Variants in PABPC4L observed in about 807,000 individuals in gnomAD.
The protein encoded by PABPC4L is polyadenylate-binding protein 4-like.
For missense variants in PABPC4L, 452 were observed against 451.4 expected (o/e 1.00, Z -0.01); for synonymous variants, 169 against 164.1 (o/e 1.03, Z -0.23).
chr4:133,949,073 T>C, the PABPC4L span, among the ~76,000 whole-genome samples: 1 of 152,268 alleles, frequency 6.6e-6, no homozygotes, highest in East Asian at 1.9e-4. Flanking sequence ...TTATTGTGAT[T>C]GATATAGGAT....
chr4:134,091,701 AG>A, the PABPC4L span, among the ~76,000 whole-genome samples: 1 of 151,816 alleles, frequency 6.6e-6, no homozygotes, highest in Non-Finnish European at 1.5e-5. Flanking sequence ...TAAATTTTTG[AG>A]TTTTTTTTTA....
At chr4:134,181,804 C>T in the PABPC4L span, among the ~76,000 whole-genome samples, 2 of 151,836 alleles carry the variant, frequency 1.3e-5, no homozygotes, top group African/African-American at 2.4e-5. Flanking sequence ...CCTAGGAATA[C>T]AGCTAACCGG....
In PABPC4L at chr4:134,198,761, G is replaced by A. The variant is rs1221404863; in HGVS notation, c.*1146C>T. ...AGCTGAGGAATATAGATGAAAGGCA[G>A]GAGAGCAAGGAAAATAGGGGAATGG... On this transcript the variant is annotated 3_prime_UTR_variant, in exon 2 of 2. Coordinates refer to ENST00000421491, the MANE Select transcript of PABPC4L (RefSeq NM_001114734.2). The A allele has an allele frequency of 6.6e-6, 1 of 151,922 alleles. No individual in the cohort carries two copies. The highest frequency in any genetic ancestry group is 2.4e-5 in the African/African-American group (1 of 41,436). 9.4% of individuals were successfully genotyped at this position (151,922 alleles called of 1,614,324 possible). A position where few individuals can be genotyped will look rare whatever the true frequency, so the allele number is the denominator to read the frequency against.
At chr4:134,135,527 T>C in the PABPC4L span, among the ~76,000 whole-genome samples, 3 of 152,038 alleles carry the variant, frequency 2.0e-5, no homozygotes, top group African/African-American at 2.4e-5. Flanking sequence ...TTGAAAAAAA[T>C]TTGGATGTTC....
At chr4:134,185,122 C>T in the PABPC4L span, among the ~76,000 whole-genome samples, 1 of 151,892 alleles carries the variant, frequency 6.6e-6, no homozygotes, top group Non-Finnish European at 1.5e-5. Context: ...ATTCTCTTGA[C>T]AATATATTTT....
chr4:134,050,742 G>A, the PABPC4L span, among the ~76,000 whole-genome samples: 4 of 139,532 alleles, frequency 2.9e-5, no homozygotes, highest in African/African-American at 5.5e-5. Flanking sequence ...AAGACAACAC[G>A]TAAGGATATA....
the PABPC4L span, among the ~76,000 whole-genome samples, chr4:133,976,854 G>T: frequency 6.6e-6 from 1 of 151,996 alleles, no homozygotes; most frequent in Non-Finnish European, 1.5e-5. Flanking sequence ...GTAGATTCTG[G>T]ATATTAGACC....
chr4:134,157,133 G>A, the PABPC4L span, among the ~76,000 whole-genome samples: 2 of 151,834 alleles, frequency 1.3e-5, no homozygotes, highest in Admixed American at 6.6e-5. Context: ...GAGAAATAAT[G>A]TAGTTTTATT....
the PABPC4L span, chr4:134,010,524 C>G: frequency 6.6e-6 from 1 of 152,086 alleles, no homozygotes; most frequent in Non-Finnish European, 1.5e-5. Flanking sequence ...ATAATAAAAG[C>G]TTATTTCTCC....
the PABPC4L span, among the ~76,000 whole-genome samples, chr4:134,158,059 T>A: frequency 6.6e-6 from 1 of 151,926 alleles, no homozygotes. Context: ...ATATCCTTAG[T>A]CCTCTAACTT....
chr4:133,969,057 G>A, the PABPC4L span, among the ~76,000 whole-genome samples: 1 of 152,114 alleles, frequency 6.6e-6, no homozygotes, highest in Non-Finnish European at 1.5e-5. Flanking sequence ...GGGTCTGAGA[G>A]GGGCACAGAT....
chr4:133,962,438 A>G, the PABPC4L span, among the ~76,000 whole-genome samples: 15 of 152,220 alleles, frequency 9.9e-5, no homozygotes, highest in South Asian at 2.1e-4. Flanking sequence ...TAAAGAAAAA[A>G]CAATAAAAAC....
the PABPC4L span, among the ~76,000 whole-genome samples, chr4:134,027,920 C>A: frequency 6.6e-6 from 1 of 152,072 alleles, no homozygotes; most frequent in Non-Finnish European, 1.5e-5. Flanking sequence ...ACAAGCTAAG[C>A]CAACCCACGG....
chr4:134,177,234 G>T, the PABPC4L span, among the ~76,000 whole-genome samples: 2 of 146,678 alleles, frequency 1.4e-5, no homozygotes, highest in Non-Finnish European at 3.0e-5. Context: ...AGGCTGGAGT[G>T]CAGTGGCAGG....
At chr4:133,970,732 G>T in the PABPC4L span, among the ~76,000 whole-genome samples, 2 of 152,030 alleles carry the variant, frequency 1.3e-5, no homozygotes, top group African/African-American at 4.8e-5. Flanking sequence ...TAGGTGATTA[G>T]GTCATGAGAG....
the PABPC4L span, among the ~76,000 whole-genome samples, chr4:134,118,333 G>A: frequency 6.6e-6 from 1 of 151,928 alleles, no homozygotes; most frequent in South Asian, 2.1e-4. Flanking sequence ...ACAGTTGAAT[G>A]TTACAGCTTT....
At chr4:134,096,650 A>G in the PABPC4L span, among the ~76,000 whole-genome samples, 1 of 151,946 alleles carries the variant, frequency 6.6e-6, no homozygotes, top group Admixed American at 6.6e-5. Context: ...AGATATTTGC[A>G]TGTTTCCCAT....
chr4:133,995,591 C>T, the PABPC4L span, among the ~76,000 whole-genome samples: 1 of 152,146 alleles, frequency 6.6e-6, no homozygotes, highest in Non-Finnish European at 1.5e-5. Flanking sequence ...CCTTGCTGAA[C>T]ATTTATAAAA....
the PABPC4L span, among the ~76,000 whole-genome samples, chr4:134,165,748 G>A: frequency 6.6e-6 from 1 of 152,086 alleles, no homozygotes; most frequent in Non-Finnish European, 1.5e-5. Flanking sequence ...ATAACTCAGA[G>A]TAGATCTGTT....
Sources: gnomAD v4.1 joint callset for allele counts (sites outside exome capture counted in the v4.1 genomes callset) on GRCh38, gnomAD v4.1.1 for gene constraint, MANE v1.5 for transcripts, NCBI Gene and HGNC (gene_info 2026-07-23, HGNC 2026-07-21) for gene names.